Variants in ERCC6L2 observed in about 807,000 individuals in gnomAD.
ERCC6L2 encodes ERCC excision repair 6 like 2, also known as DNA excision repair protein ERCC-6-like 2.
ERCC6L2 carries 77 observed loss-of-function variants against 132.0 expected under a neutral mutation model. The observed-to-expected ratio is 0.58, with a 90% CI of 0.49 to 0.71. ERCC6L2 has a LOEUF of 0.71. ERCC6L2 is among the 30% of genes least tolerant of loss of function. The pLI, the probability that ERCC6L2 is intolerant of heterozygous loss-of-function variation, is 0.00. For missense variants in ERCC6L2, 1,542 were observed against 1,837.6 expected, an observed-to-expected ratio of 0.84 and a Z score of 2.94; for synonymous variants, 583 against 632.4, an observed-to-expected ratio of 0.92 and a Z score of 1.17.
rs57310402 is a variant in ERCC6L2 at position 95,952,166 on chromosome 9, T to TAAA, written c.1848-3731_1848-3729dup. Among the ~76,000 whole-genome samples the TAAA allele has an allele frequency of 4.5e-3, 260 of 57,714 alleles. 9 individuals are homozygous for TAAA. The highest frequency in any genetic ancestry group is 0.023 in the African/African-American group (220 of 9,638). 37.9% of individuals were successfully genotyped at this position (57,714 alleles called of 152,430 possible). A position where few individuals can be genotyped will look rare whatever the true frequency, so the allele number is the denominator to read the frequency against. ...CTGGCAACAGAGTGAGACTCCATCTTAAAAAAAAAAAAAAAAAAAGAATTT... is the reference window on the plus strand; with the variant it reads ...CTGGCAACAGAGTGAGACTCCATCTTAAAAAAAAAAAAAAAAAAAAAAGAATTT... On this transcript the variant is annotated intron_variant, in intron 12 of 18. Transcript: ENST00000653738.
chr9:95,924,306 T>TATAC (rs1334691139), intron 9 of ERCC6L2, among the ~76,000 whole-genome samples: 1 of 152,068 alleles, frequency 6.6e-6, no homozygotes, highest in Non-Finnish European at 1.5e-5. Flanking sequence ...AAGGTAGGAA[T>TATAC]ATACATACAT....
intron 19 of ERCC6L2, among the ~76,000 whole-genome samples, chr9:96,023,994 A>G (rs238): frequency 0.66 from 99,817 of 152,092 alleles, 33,739 homozygotes; most frequent in African/African-American, 0.81. Flanking sequence ...TTCTGGTGAG[A>G]AGTGTCAGTA....
intron 3 of ERCC6L2, among the ~76,000 whole-genome samples, chr9:95,903,182 G>A (rs1396217694): frequency 6.6e-6 from 1 of 151,788 alleles, no homozygotes; most frequent in Non-Finnish European, 1.5e-5. Flanking sequence ...TTCCTCAGTT[G>A]GTTAACCAGT....
intron 1 of ERCC6L2, among the ~76,000 whole-genome samples, chr9:95,880,324 T>A (rs1178968338): frequency 6.6e-6 from 1 of 152,138 alleles, no homozygotes; most frequent in Non-Finnish European, 1.5e-5. Context: ...GGAATAACTG[T>A]AAAAAAGACA....
chr9:95,896,733 C>CT (rs1010025759), intron 2 of ERCC6L2, among the ~76,000 whole-genome samples: 17 of 152,030 alleles, frequency 1.1e-4, no homozygotes, highest in African/African-American at 4.1e-4. Flanking sequence ...CCAGTTGTTG[C>CT]TTTTTTGTAG....
At chr9:96,031,791 G>A (rs1334136110) in intron 19 of ERCC6L2, among the ~76,000 whole-genome samples, 1 of 152,160 alleles carries the variant, frequency 6.6e-6, no homozygotes, top group Non-Finnish European at 1.5e-5. Context: ...ACACAAGCTT[G>A]ACCCTGGGCA....
intron 8 of ERCC6L2, 136 bp from the exon 9 acceptor site, chr9:95,923,124 G>A: frequency 1.0e-6 from 1 of 979,114 alleles, no homozygotes; most frequent in South Asian, 2.0e-5. Flanking sequence ...TGAATTCTTA[G>A]TCTGACTTAG....
intron 11 of ERCC6L2, among the ~76,000 whole-genome samples, chr9:95,931,745 A>G (rs925771602): frequency 6.6e-6 from 1 of 151,890 alleles, no homozygotes. Context: ...TTCTTCATCT[A>G]CACTATTCTA....
intron 13 of ERCC6L2, among the ~76,000 whole-genome samples, chr9:95,965,195 A>G (rs1467816976): frequency 6.6e-6 from 1 of 152,158 alleles, no homozygotes; most frequent in Admixed American, 6.5e-5. Context: ...ATTAGTTAAT[A>G]GTATAAATTT....
At chr9:96,002,484 C>T (rs540832100) in intron 17 of ERCC6L2, among the ~76,000 whole-genome samples, 2 of 150,610 alleles carry the variant, frequency 1.3e-5, no homozygotes, top group East Asian at 2.0e-4. Context: ...TGCAGTGGCA[C>T]GATCTTGGCT....
intron 3 of ERCC6L2, among the ~76,000 whole-genome samples, chr9:95,904,583 A>G (rs1439178283): frequency 6.6e-6 from 1 of 152,172 alleles, no homozygotes; most frequent in Non-Finnish European, 1.5e-5. Context: ...TCTGTACCTC[A>G]GTTTCCTCAT....
chr9:95,921,432 A>G lies in ERCC6L2; in HGVS notation c.1299+117A>G, dbSNP rs1027256174. The G allele has an allele frequency of 3.0e-5, 21 of 698,668 alleles. 1 individual carries two copies. The Middle Eastern group carries it at 1.6e-3, about 53-fold the overall frequency. 43.3% of individuals were successfully genotyped at this position (698,668 alleles called of 1,614,324 possible). A position where few individuals can be genotyped will look rare whatever the true frequency, so the allele number is the denominator to read the frequency against. ...TTTCCTCAGACAGTTCTTTAAAGCT[A>G]TGTCTTAAAAAATAGTTTTCAAAAA... On this transcript the variant is annotated intron_variant, in intron 7 of 18. Coordinates refer to ENST00000653738, the MANE Select transcript of ERCC6L2 (RefSeq NM_020207.7).
At chr9:95,919,408 A>C (rs1465339729) in intron 6 of ERCC6L2, among the ~76,000 whole-genome samples, 1 of 152,178 alleles carries the variant, frequency 6.6e-6, no homozygotes, top group Non-Finnish European at 1.5e-5. Flanking sequence ...GTAAAGGACT[A>C]CCTTTTAAAG....
At chr9:95,970,699 A>G (rs777242897) in intron 15 of ERCC6L2, 43 bp downstream of exon 15, 32 of 1,202,660 alleles carry the variant, frequency 2.7e-5, no homozygotes, top group Middle Eastern at 2.3e-4. Flanking sequence ...CCTAGAAAAC[A>G]TGTACTGTGA....
At chr9:95,879,419 A>T (rs1211401416) in intron 1 of ERCC6L2, among the ~76,000 whole-genome samples, 1 of 152,212 alleles carries the variant, frequency 6.6e-6, no homozygotes, top group Non-Finnish European at 1.5e-5. Context: ...ATGATAGGGT[A>T]GGCAAACACA....
At chr9:95,876,269 G>T in intron 1 of ERCC6L2, 185 bp downstream of exon 1, 1 of 539,616 alleles carries the variant, frequency 1.9e-6, no homozygotes. Flanking sequence ...CCTGGACTCG[G>T]GAGTCAGCCC....
intron 18 of ERCC6L2, among the ~76,000 whole-genome samples, chr9:96,011,640 C>T (rs150285026): frequency 6.6e-6 from 1 of 152,312 alleles, no homozygotes; most frequent in African/African-American, 2.4e-5. Context: ...CATCTCACTC[C>T]TTAGCTTAGG....
chr9:95,895,108 A>C (rs1263983247), intron 2 of ERCC6L2, among the ~76,000 whole-genome samples: 1 of 152,120 alleles, frequency 6.6e-6, no homozygotes, highest in Non-Finnish European at 1.5e-5. Flanking sequence ...TATTTCAATA[A>C]ATTTTTCTTT....
At chr9:95,956,763 T>G (rs1406793819) in intron 13 of ERCC6L2, among the ~76,000 whole-genome samples, 3 of 152,134 alleles carry the variant, frequency 2.0e-5, no homozygotes, top group Non-Finnish European at 4.4e-5. Flanking sequence ...CCCCCATGAT[T>G]CAGTTACCCA....
Sources: allele counts gnomAD v4.1 joint callset (sites outside exome capture counted in the v4.1 genomes callset), GRCh38; gene constraint gnomAD v4.1.1; transcripts MANE v1.5; gene names NCBI Gene and HGNC (gene_info 2026-07-23, HGNC 2026-07-21).